Variants in ZBTB20 observed in about 807,000 individuals in gnomAD.
The protein encoded by ZBTB20 is zinc finger and BTB domain-containing protein 20.
In ZBTB20, 9 loss-of-function variants were observed where a neutral mutation model predicts 56.9. The ratio of observed to expected loss-of-function variants is 0.16; its 90% CI spans 0.10 to 0.28. The LOEUF (loss-of-function observed/expected upper bound fraction) is 0.28, where lower values mean the gene tolerates loss of function less well. Ranked by LOEUF, ZBTB20 falls within the 10% of genes least tolerant of loss-of-function variation. The pLI is 1.00. For synonymous variants in ZBTB20, 417 were observed against 420.7 expected, an observed-to-expected ratio of 0.99 and a Z score of 0.11; for missense variants, 655 against 1,003.0, an observed-to-expected ratio of 0.65 and a Z score of 4.69.
At chr3:115,061,047 TGTTCAGTCAAAGAAA>T (rs2081994804) in intron 2 of ZBTB20, among the ~76,000 whole-genome samples, 1 of 152,174 alleles carries the variant, frequency 6.6e-6, no homozygotes, top group Non-Finnish European at 1.5e-5. Context: ...GAAGTTATGA[TGTTCAGTCAAAGAAA>T]GTTTAGACTT....
In ZBTB20 at chr3:114,538,048, G is replaced by A. The variant is rs2669895; in HGVS notation, c.-294-37657C>T. Among the ~76,000 whole-genome samples the A allele has an allele frequency of 7.5e-3, 1,142 of 152,140 alleles. 13 individuals are homozygous for A. The highest frequency in any genetic ancestry group is 0.025 in the African/African-American group (1,051 of 41,484). On this transcript the variant is annotated intron_variant, in intron 6 of 11. Transcript: ENST00000675478. ...CCTAATGTAGATGACAGGTTGATAC[G>A]TGCAGCAAACCACCATGGCATGTGT...
At chr3:115,006,598 C>T (rs967126287) in intron 2 of ZBTB20, among the ~76,000 whole-genome samples, 6 of 151,046 alleles carry the variant, frequency 4.0e-5, no homozygotes, top group African/African-American at 1.2e-4. Flanking sequence ...ATATATTGTG[C>T]CTTTATGTTT....
chr3:114,453,181 T>C (rs1253843220), intron 7 of ZBTB20, among the ~76,000 whole-genome samples: 1 of 152,160 alleles, frequency 6.6e-6, no homozygotes, highest in Non-Finnish European at 1.5e-5. Context: ...AAAATATACA[T>C]GCATAGGCAA....
At chr3:114,930,839 A>T (rs2076331618) in intron 3 of ZBTB20, 1 of 284,992 alleles carries the variant, frequency 3.5e-6, no homozygotes, top group African/African-American at 2.3e-5. Flanking sequence ...GAGTTTGATG[A>T]TGTTGCAGCA....
chr3:114,911,721 G>A (rs1171142709), intron 3 of ZBTB20, among the ~76,000 whole-genome samples: 2 of 151,596 alleles, frequency 1.3e-5, no homozygotes, highest in Admixed American at 1.3e-4. Flanking sequence ...CCACCTAGAG[G>A]AACAACAAGA....
chr3:114,775,127 G>A (rs1332239546), intron 5 of ZBTB20, among the ~76,000 whole-genome samples: 1 of 151,958 alleles, frequency 6.6e-6, no homozygotes, highest in African/African-American at 2.4e-5. Flanking sequence ...AACAAAGCAT[G>A]GCTGTACTGA....
intron 6 of ZBTB20, among the ~76,000 whole-genome samples, chr3:114,600,844 TACTA>T (rs1457830799): frequency 1.3e-5 from 2 of 152,020 alleles, no homozygotes; most frequent in Non-Finnish European, 2.9e-5. Flanking sequence ...TATATCATGT[TACTA>T]ACTGAGGCCA....
intron 1 of ZBTB20, among the ~76,000 whole-genome samples, chr3:115,109,986 G>GA (rs1263042637): frequency 2.0e-5 from 3 of 152,134 alleles, no homozygotes; most frequent in African/African-American, 7.2e-5. Context: ...GAGGTGGGCA[G>GA]ATCACCTGAG....
intron 3 of ZBTB20, among the ~76,000 whole-genome samples, chr3:114,956,501 A>C (rs1239022019): frequency 6.6e-6 from 1 of 152,018 alleles, no homozygotes; most frequent in Non-Finnish European, 1.5e-5. Context: ...TTTCAACATA[A>C]CCTTTCCCTC....
intron 7 of ZBTB20, among the ~76,000 whole-genome samples, chr3:114,458,816 G>T (rs1324322164): frequency 6.6e-6 from 1 of 151,824 alleles, no homozygotes; most frequent in Non-Finnish European, 1.5e-5. Context: ...AATAAGCTTA[G>T]GAAAGTTTGA....
intron 10 of ZBTB20, among the ~76,000 whole-genome samples, chr3:114,372,293 A>C (rs1265172469): frequency 6.6e-6 from 1 of 152,244 alleles, no homozygotes; most frequent in Non-Finnish European, 1.5e-5. Flanking sequence ...CAGAACCGTG[A>C]AAATCAGCAT....
chr3:114,757,745 A>C (rs2068110149), intron 5 of ZBTB20, among the ~76,000 whole-genome samples: 1 of 152,162 alleles, frequency 6.6e-6, no homozygotes, highest in African/African-American at 2.4e-5. Context: ...GGATATAGTA[A>C]GAGAAAAATC....
chr3:114,640,507 T>A (rs1287646396), intron 6 of ZBTB20, among the ~76,000 whole-genome samples: 1 of 152,072 alleles, frequency 6.6e-6, no homozygotes, highest in Non-Finnish European at 1.5e-5. Flanking sequence ...CAAAACAGCA[T>A]CATTCTCAGA....
chr3:114,711,562 C>CA (rs917970763), intron 5 of ZBTB20, among the ~76,000 whole-genome samples: 1 of 152,168 alleles, frequency 6.6e-6, no homozygotes, highest in African/African-American at 2.4e-5. Context: ...AGGAGTAAGT[C>CA]AAATTAGATA....
chr3:115,066,265 TC>T (rs1168286430), intron 2 of ZBTB20, among the ~76,000 whole-genome samples: 1 of 151,876 alleles, frequency 6.6e-6, no homozygotes, highest in Non-Finnish European at 1.5e-5. Context: ...CCTAAAATAG[TC>T]CTTTTTTTTT....
intron 7 of ZBTB20, among the ~76,000 whole-genome samples, chr3:114,473,650 G>T (rs1576956807): frequency 6.6e-6 from 1 of 152,058 alleles, no homozygotes; most frequent in Non-Finnish European, 1.5e-5. Context: ...GGGCAACATG[G>T]TGAGACCCCT....
At chr3:114,554,591 G>C (rs1312277939) in intron 6 of ZBTB20, among the ~76,000 whole-genome samples, 1 of 152,128 alleles carries the variant, frequency 6.6e-6, no homozygotes, top group African/African-American at 2.4e-5. Context: ...TCTCATAAAA[G>C]GTGATGCATA....
intron 4 of ZBTB20, among the ~76,000 whole-genome samples, chr3:114,843,807 T>C (rs1272044567): frequency 6.6e-6 from 1 of 151,564 alleles, no homozygotes; most frequent in Non-Finnish European, 1.5e-5. Context: ...CTCCTGAGTA[T>C]CTGGGACTAC....
intron 2 of ZBTB20, among the ~76,000 whole-genome samples, chr3:115,000,936 A>G (rs977728114): frequency 6.6e-6 from 1 of 151,526 alleles, no homozygotes; most frequent in Non-Finnish European, 1.5e-5. Context: ...CAACAAGAGA[A>G]TACCATCAAT....
Sources: gnomAD v4.1 joint callset for allele counts (sites outside exome capture counted in the v4.1 genomes callset) on GRCh38, gnomAD v4.1.1 for gene constraint, MANE v1.5 for transcripts, NCBI Gene and HGNC (gene_info 2026-07-23, HGNC 2026-07-21) for gene names.